Variants in KRAS observed in about 807,000 individuals in gnomAD.
The protein encoded by KRAS is GTPase KRas.
KRAS carries 1 observed loss-of-function variant against 21.0 expected under a neutral mutation model. The ratio of observed to expected loss-of-function variants is 0.05; its 90% confidence interval spans 0.02 to 0.23. The LOEUF (loss-of-function observed/expected upper bound fraction) is 0.23, where lower values mean the gene tolerates loss of function less well. Among genes scored for constraint, KRAS ranks in the 10% least tolerant of loss-of-function variants. KRAS has a pLI of 1.00. For synonymous variants in KRAS, 67 were observed against 72.5 expected, an observed-to-expected ratio of 0.92 and a Z score of 0.39; for missense variants, 107 against 221.8, an observed-to-expected ratio of 0.48 and a Z score of 3.29.
In KRAS at chr12:25,236,227, A is replaced by G. The variant is rs537039325; in HGVS notation, c.112-8815T>C. ...AGGAGTTTTAAACTTCATCCTATAC[A>G]AAATCACTAAAAGGTTTTTAAAATA... is the stretch of plus-strand genomic sequence containing the variant. On this transcript the variant is annotated intron_variant, in intron 2 of 4. Transcript: ENST00000311936. 3.3e-5 allele frequency among the ~76,000 whole-genome samples: 5 copies of G among 152,306 alleles called. 1 individual carries two copies. The highest frequency in any genetic ancestry group is 1.2e-4 in the African/African-American group (5 of 41,562).
intron 4 of KRAS, among the ~76,000 whole-genome samples, chr12:25,222,875 A>C (rs1462478967): frequency 6.6e-6 from 1 of 152,226 alleles, no homozygotes; most frequent in Non-Finnish European, 1.5e-5. Flanking sequence ...CAGCTATTTT[A>C]GGATATTATC....
intron 1 of KRAS, among the ~76,000 whole-genome samples, chr12:25,249,087 G>A (rs903863351): frequency 2.7e-5 from 4 of 150,686 alleles, no homozygotes; most frequent in Non-Finnish European, 4.4e-5. Context: ...TAGAAAACCT[G>A]TCTGTTTTGA....
At chr12:25,218,157 GCACA>G (rs1951276204) in intron 4 of KRAS, among the ~76,000 whole-genome samples, 1 of 150,682 alleles carries the variant, frequency 6.6e-6, no homozygotes, top group South Asian at 2.1e-4. Context: ...ATATATATAC[GCACA>G]CACACAAACC....
rs1227917505 is a variant in KRAS, at chr12:25,205,258, A to AT, written c.*4536dup. 4.7e-6 allele frequency: 1 copy of AT among 214,918 alleles called. No homozygotes were observed. The highest frequency in any genetic ancestry group is 9.4e-6 in the Non-Finnish European group (1 of 106,360). 13.3% of individuals were successfully genotyped at this position (214,918 alleles called of 1,614,324 possible). A position where few individuals can be genotyped will look rare whatever the true frequency, so the allele number is the denominator to read the frequency against. ...ATACACACTCATAGTCACTGTAACT[A>AT]TTTTTATTACATTACAATAATTAGG... On this transcript the variant is annotated 3_prime_UTR_variant, in exon 5 of 5. Transcript: ENST00000311936.
chr12:25,229,413 A>G (rs527496551), intron 2 of KRAS, among the ~76,000 whole-genome samples: 1 of 152,366 alleles, frequency 6.6e-6, no homozygotes, highest in African/African-American at 2.4e-5. Context: ...TCTAACAGCC[A>G]GATGGATATC....
chr12:25,225,503 AT>A (rs1951381217), intron 4 of KRAS, 110 bp downstream of exon 4: 2 of 1,091,878 alleles, frequency 1.8e-6, no homozygotes, highest in Admixed American at 3.6e-5. Flanking sequence ...TTTACTAAAT[AT>A]TGTTTTATTT....
At chr12:25,242,926 C>G (rs149224909) in intron 2 of KRAS, among the ~76,000 whole-genome samples, 180 of 152,250 alleles carry the variant, frequency 1.2e-3, no homozygotes, top group African/African-American at 4.2e-3. Flanking sequence ...ACCCTCCTTA[C>G]TATCTCTTAG....
At chr12:25,231,568 G>A (rs1290970843) in intron 2 of KRAS, among the ~76,000 whole-genome samples, 5 of 151,990 alleles carry the variant, frequency 3.3e-5, no homozygotes, top group African/African-American at 4.8e-5. Context: ...CAGTGCGACC[G>A]AGAAACTGGG....
intron 4 of KRAS, among the ~76,000 whole-genome samples, chr12:25,222,589 G>T (rs959330881): frequency 1.3e-5 from 2 of 152,076 alleles, no homozygotes; most frequent in Non-Finnish European, 2.9e-5. Context: ...CTTTCATACT[G>T]TATCCCTCCA....
intron 4 of KRAS, among the ~76,000 whole-genome samples, chr12:25,224,243 G>A (rs1951362325): frequency 6.7e-6 from 1 of 149,888 alleles, no homozygotes; most frequent in Admixed American, 6.6e-5. Flanking sequence ...AGGTCCTTCA[G>A]GAGGTATTCC....
chr12:25,216,563 C>G (rs1480804874), intron 4 of KRAS, among the ~76,000 whole-genome samples: 2 of 152,198 alleles, frequency 1.3e-5, no homozygotes, highest in African/African-American at 4.8e-5. Context: ...CATGAGCCAC[C>G]AAACCTGGCC....
intron 2 of KRAS, chr12:25,234,847 G>C (rs190717038): frequency 1.9e-5 from 4 of 214,198 alleles, no homozygotes; most frequent in African/African-American, 9.0e-5. Flanking sequence ...CTCTGACACA[G>C]AGACATATTC....
At chr12:25,241,023 C>T (rs1951603403) in intron 2 of KRAS, among the ~76,000 whole-genome samples, 1 of 152,102 alleles carries the variant, frequency 6.6e-6, no homozygotes, top group African/African-American at 2.4e-5. Context: ...TTAAGCAGCT[C>T]CTGAGTGCAT....
At chr12:25,209,992 A>G in intron 4 of KRAS, 81 bp from the exon 5 acceptor site, 1 of 983,980 alleles carries the variant, frequency 1.0e-6, no homozygotes, top group African/African-American at 1.7e-5. Context: ...TTAATGGAAA[A>G]AATATTAAGA....
intron 4 of KRAS, among the ~76,000 whole-genome samples, chr12:25,220,019 AC>A (rs1399187653): frequency 6.6e-6 from 1 of 152,190 alleles, no homozygotes; most frequent in Non-Finnish European, 1.5e-5. Context: ...TTAAATTGAG[AC>A]CCCCAGAGAG....
chr12:25,240,304 T>C (rs1951594844), intron 2 of KRAS, among the ~76,000 whole-genome samples: 2 of 152,204 alleles, frequency 1.3e-5, no homozygotes, highest in African/African-American at 4.8e-5. Context: ...ATTAGCATGA[T>C]TGCCTAGAAA....
At chr12:25,232,239 C>A (rs1565886959) in intron 2 of KRAS, among the ~76,000 whole-genome samples, 1 of 152,176 alleles carries the variant, frequency 6.6e-6, no homozygotes, top group East Asian at 1.9e-4. Flanking sequence ...CTACTGCCCA[C>A]AGGCCAAATC....
At chr12:25,220,894 G>A (rs1043110686) in intron 4 of KRAS, among the ~76,000 whole-genome samples, 1 of 151,680 alleles carries the variant, frequency 6.6e-6, no homozygotes, top group Non-Finnish European at 1.5e-5. Flanking sequence ...GTGTGGTGGT[G>A]CGTGCCTGTA....
At chr12:25,210,858 T>G (rs149329850) in intron 4 of KRAS, 1 of 148,696 alleles carries the variant, frequency 6.7e-6, no homozygotes, top group East Asian at 2.0e-4. Flanking sequence ...TAATCTACAG[T>G]GTGAAAAATG....
Sources: gnomAD v4.1 joint callset for allele counts (sites outside exome capture counted in the v4.1 genomes callset) on GRCh38, gnomAD v4.1.1 for gene constraint, MANE v1.5 for transcripts, NCBI Gene and HGNC (gene_info 2026-07-23, HGNC 2026-07-21) for gene names.